EIF2B4: variants seen among roughly 807,000 people sequenced by gnomAD.
The protein encoded by EIF2B4 is translation initiation factor eIF2B subunit delta.
EIF2B4 carries 34 observed loss-of-function variants against 66.7 expected under a neutral mutation model. The observed-to-expected ratio is 0.51, with a 90% CI of 0.39 to 0.68. The LOEUF (loss-of-function observed/expected upper bound fraction) is 0.68, where lower values mean the gene tolerates loss of function less well. Ranked by LOEUF, EIF2B4 falls within the 30% of genes least tolerant of loss-of-function variation. EIF2B4 has a pLI of 0.00. For missense variants in EIF2B4, 618 were observed against 657.9 expected (o/e 0.94, Z 0.66); for synonymous variants, 278 against 253.6 (o/e 1.10, Z -0.92).
At chr2:27,364,682 C>T in intron 12 of EIF2B4, 36 bp downstream of exon 12, 1 of 1,614,206 alleles carries the variant, frequency 6.2e-7, no homozygotes, top group South Asian at 1.1e-5. Context: ...CTCAAGTCTT[C>T]ACAGGTAGCT....
At chr2:27,364,965 C>CT in intron 11 of EIF2B4, 67 bp from the exon 12 acceptor site, 1 of 1,504,616 alleles carries the variant, frequency 6.6e-7, no homozygotes, top group East Asian at 2.3e-5. Context: ...AGGTCCCCTA[C>CT]TTACAGGACA....
At position 27,369,148 on chromosome 2, in the gene EIF2B4, T is replaced by A; in HGVS notation, c.276A>T (p.Pro92=). 1 of 1,613,810 alleles carries A rather than the reference T, an allele frequency of 6.2e-7. No homozygotes were observed. Among genetic ancestry groups the A allele is most frequent in the East Asian group, 2.2e-5 (1 of 44,880 alleles). Residue 92 remains proline (P), a synonymous_variant, in exon 4 of 13, where the codon CCA becomes CCT. Transcript: ENST00000347454. ...GAAGTTCGGCCTTACTCCGACCAGCTGGAACTTTCTCCCGAGGAGTGCCCA... is the reference window on the plus strand; with the variant it reads ...GAAGTTCGGCCTTACTCCGACCAGCAGGAACTTTCTCCCGAGGAGTGCCCA... The part of the protein sequence containing the change: ...IQLGTPREKV[P]AGRSKAELRA...
At chr2:27,365,055 CTTTT>C (rs35891906) in intron 11 of EIF2B4, 157 bp from the exon 12 acceptor site, 10,325 of 606,720 alleles carry the variant, frequency 0.017, 95 homozygotes, top group Non-Finnish European at 0.022. Context: ...AGTAATAAAT[CTTTT>C]TTTTTTTTTT....
intron 11 of EIF2B4, chr2:27,366,337 T>A (rs185252131): frequency 3.6e-6 from 1 of 276,302 alleles, no homozygotes; most frequent in East Asian, 9.0e-5. Context: ...AGTGCTGAGA[T>A]TGCAGGCATT....
At chr2:27,364,629 T>A in intron 12 of EIF2B4, 30 bp from the exon 13 acceptor site, 1 of 1,614,214 alleles carries the variant, frequency 6.2e-7, no homozygotes, top group South Asian at 1.1e-5. Flanking sequence ...CATTATGTTC[T>A]TTCAGAAAAG....
In EIF2B4 at chr2:27,364,811, C is replaced by T; in HGVS notation, c.1279G>A (p.Ala427Thr). 1 of 1,614,148 alleles carries T rather than the reference C, an allele frequency of 6.2e-7. No homozygotes were observed. The highest frequency in any genetic ancestry group is 2.2e-5 in the East Asian group (1 of 44,884). The change falls in exon 12 of 13, where the codon GCT (alanine) becomes ACT (threonine). Residue 427 changes from alanine (A) to threonine (T), a missense_variant. Transcript: ENST00000347454. The stretch of plus-strand genomic sequence containing the variant: ...AGCACTGGTACATTATGGGCTCGAG[C>T]CACCAGGGCTAACTGTGCTGTCCCT... Reference protein sequence around the residue: ...RVGTAQLALVARAHNVPVLVC... With the variant: ...RVGTAQLALVTRAHNVPVLVC...
intron 2 of EIF2B4, 140 bp from the exon 3 acceptor site, chr2:27,369,689 T>A (rs1682208856): frequency 6.6e-7 from 1 of 1,515,154 alleles, no homozygotes; most frequent in Admixed American, 1.7e-5. Flanking sequence ...CAAGCTTACA[T>A]CCACAGAGGC....
At chr2:27,365,113 A>C (rs748540991) in intron 11 of EIF2B4, 1 of 511,650 alleles carries the variant, frequency 2.0e-6, no homozygotes, top group Non-Finnish European at 3.5e-6. Context: ...CTGGAGTGCA[A>C]TGGCGCGATC....
chr2:27,368,961 G>C, intron 4 of EIF2B4, 45 bp downstream of exon 4: 1 of 1,610,330 alleles, frequency 6.2e-7, no homozygotes, highest in Non-Finnish European at 8.5e-7. Flanking sequence ...CTGAGCTGGC[G>C]TTATAATTAG....
At chr2:27,368,881 G>A (rs1313214038) in intron 4 of EIF2B4, 125 bp downstream of exon 4, 16 of 1,424,656 alleles carry the variant, frequency 1.1e-5, no homozygotes, top group Non-Finnish European at 3.9e-6. Context: ...AGGATAATGG[G>A]GTTGCAGGAA....
chr2:27,369,834 C>T, intron 2 of EIF2B4, 42 bp downstream of exon 2: 1 of 1,550,440 alleles, frequency 6.4e-7, no homozygotes, highest in Non-Finnish European at 8.7e-7. Flanking sequence ...CAGCCTCCTG[C>T]GTAGCGCTTG....
chr2:27,366,675 C>T (rs1299811274), intron 11 of EIF2B4, 84 bp downstream of exon 11: 5 of 1,513,758 alleles, frequency 3.3e-6, no homozygotes, highest in Non-Finnish European at 4.6e-6. Context: ...AAAAACAAAA[C>T]TGTAACTTTG....
chr2:27,367,535 C>G lies in EIF2B4; in HGVS notation c.807G>C (p.Leu269=). Residue 269 remains leucine (L), a synonymous_variant, in exon 9 of 13, where the codon CTG becomes CTC. Transcript: ENST00000347454. ...TGATGGCGTTGTGCATGCTCGCTGA[C>G]AGGGGACGGCACTGAGTCAGGAAGC... is the stretch of plus-strand genomic sequence containing the variant. ...YMSFLTQCRP[L]SASMHNAIKF... is the part of the protein sequence containing the mutation. The G allele has an allele frequency of 6.2e-7, 1 of 1,614,074 alleles. No individual in the cohort carries two copies.
chr2:27,369,763 C>T (rs1682221329), intron 2 of EIF2B4, 113 bp downstream of exon 2: 2 of 1,464,266 alleles, frequency 1.4e-6, no homozygotes, highest in African/African-American at 1.4e-5. Context: ...TGTAAAATCT[C>T]CTGGCTTTAC....
At chr2:27,369,575 T>C in intron 2 of EIF2B4, 26 bp from the exon 3 acceptor site, 1 of 1,614,062 alleles carries the variant, frequency 6.2e-7, no homozygotes, top group Non-Finnish European at 8.5e-7. Flanking sequence ...AGGATACTGC[T>C]CTTCCCCAAC....
chr2:27,370,168 G>A (rs1346452444), intron 1 of EIF2B4, 116 bp downstream of exon 1: 5 of 1,544,404 alleles, frequency 3.2e-6, no homozygotes, highest in African/African-American at 1.4e-5. Context: ...GTAGACCGGA[G>A]CCCAGCGTGG....
At chr2:27,368,620 C>A (rs377518092) in intron 5 of EIF2B4, 34 bp downstream of exon 5, 6 of 1,613,212 alleles carry the variant, frequency 3.7e-6, no homozygotes, top group Non-Finnish European at 5.1e-6. Flanking sequence ...TTTCCCTAGG[C>A]TCTTTCTAGC....
chr2:27,368,911 C>G, intron 4 of EIF2B4, 95 bp downstream of exon 4: 1 of 1,530,942 alleles, frequency 6.5e-7, no homozygotes, highest in Admixed American at 1.7e-5. Flanking sequence ...ACTCTGGGTC[C>G]CAAGAATGAG....
chr2:27,364,924 A>G (rs1681733356), intron 11 of EIF2B4, 26 bp from the exon 12 acceptor site: 2 of 1,611,416 alleles, frequency 1.2e-6, no homozygotes, highest in East Asian at 2.2e-5. Flanking sequence ...AGAGGAAGAA[A>G]AAAATGTCAT....
Sources: gnomAD v4.1 joint callset for allele counts on GRCh38, gnomAD v4.1.1 for gene constraint, MANE v1.5 for transcripts, NCBI Gene and HGNC (gene_info 2026-07-23, HGNC 2026-07-21) for gene names.